Variants in ATM observed in about 807,000 individuals in gnomAD.
The protein encoded by ATM is serine-protein kinase ATM.
ATM carries 308 observed loss-of-function variants against 387.0 expected under a neutral mutation model. The observed-to-expected ratio is 0.80, with a 90% CI of 0.73 to 0.87. The LOEUF (loss-of-function observed/expected upper bound fraction) is 0.87. ATM is among the 40% of genes least tolerant of loss of function. The pLI is 0.00. For missense variants in ATM, 3,312 were observed against 3,560.9 expected (o/e 0.93, Z 1.78); for synonymous variants, 1,156 against 1,187.3 (o/e 0.97, Z 0.54).
At chr11:108,261,370 C>T (rs981664472) in intron 16 of ATM, among the ~76,000 whole-genome samples, 9 of 152,308 alleles carry the variant, frequency 5.9e-5, no homozygotes, top group African/African-American at 2.2e-4. Flanking sequence ...CCAGCAGGGG[C>T]ACACTGACAC....
chr11:108,269,337 G>A (rs2081445131), intron 18 of ATM, among the ~76,000 whole-genome samples: 1 of 152,020 alleles, frequency 6.6e-6, no homozygotes, highest in Admixed American at 6.6e-5. Context: ...GAGTTTGTCT[G>A]ATGTTTCCTT....
At chr11:108,252,087 C>T in intron 11 of ATM, 56 bp downstream of exon 11, 2 of 1,499,292 alleles carry the variant, frequency 1.3e-6, no homozygotes, top group Non-Finnish European at 1.8e-6. Flanking sequence ...ATCAGGCTCT[C>T]TCCACTTATT....
At chr11:108,229,927 C>G (rs1050747196) in intron 4 of ATM, 4 of 152,686 alleles carry the variant, frequency 2.6e-5, no homozygotes, top group Non-Finnish European at 5.8e-5. Flanking sequence ...AAGCAGTCCT[C>G]CCCCTGCTCA....
At chr11:108,309,174 G>A in intron 38 of ATM, 2 of 599,110 alleles carry the variant, frequency 3.3e-6, no homozygotes, top group East Asian at 2.9e-5. Flanking sequence ...ACAGTATGTT[G>A]GGCAAAAACA....
chr11:108,342,927 G>A (rs925015854), intron 56 of ATM, among the ~76,000 whole-genome samples: 1 of 152,178 alleles, frequency 6.6e-6, no homozygotes, highest in African/African-American at 2.4e-5. Flanking sequence ...AACTAAGTAT[G>A]GATTAATGAC....
At chr11:108,332,082 G>C (rs761300655) in intron 52 of ATM, 45 bp downstream of exon 52, 1 of 1,601,310 alleles carries the variant, frequency 6.2e-7, no homozygotes, top group South Asian at 1.1e-5. Context: ...GTGATATTCA[G>C]TCTTTCCTAG....
At chr11:108,277,671 A>G (rs1409382126) in intron 22 of ATM, among the ~76,000 whole-genome samples, 6 of 152,056 alleles carry the variant, frequency 3.9e-5, no homozygotes, top group Non-Finnish European at 2.9e-5. Context: ...GGGTGAGGCT[A>G]CACCCCACCC....
chr11:108,237,788 G>A (rs2135149976), intron 5 of ATM, among the ~76,000 whole-genome samples: 1 of 151,612 alleles, frequency 6.6e-6, no homozygotes, highest in African/African-American at 2.4e-5. Flanking sequence ...ATCTTGCTGG[G>A]ATTTTGATAC....
intron 27 of ATM, among the ~76,000 whole-genome samples, chr11:108,288,361 C>T (rs1442322763): frequency 6.6e-6 from 1 of 152,088 alleles, no homozygotes; most frequent in Admixed American, 6.6e-5. Context: ...AGGCATGAGC[C>T]GCCGTACCCA....
At chr11:108,318,892 T>C (rs1255601751) in intron 43 of ATM, among the ~76,000 whole-genome samples, 2 of 152,038 alleles carry the variant, frequency 1.3e-5, no homozygotes, top group African/African-American at 2.4e-5. Flanking sequence ...AAAAAAATTA[T>C]TGGCCGAGCG....
intron 16 of ATM, 133 bp downstream of exon 16, chr11:108,259,208 G>C (rs2080710796): frequency 1.2e-6 from 1 of 821,166 alleles, no homozygotes; most frequent in Non-Finnish European, 2.0e-6. Flanking sequence ...TGGAAATTAA[G>C]GCCAGGTGCG....
At chr11:108,231,367 T>G (rs1329299606) in intron 4 of ATM, 1 of 152,166 alleles carries the variant, frequency 6.6e-6, no homozygotes, top group Admixed American at 6.5e-5. Context: ...TCTTCACAGA[T>G]AAGGATGTTG....
chr11:108,229,441 A>G (rs2078905071), intron 4 of ATM, 118 bp downstream of exon 4: 3 of 1,061,918 alleles, frequency 2.8e-6, no homozygotes, highest in South Asian at 1.5e-5. Context: ...TCTAAATAGA[A>G]TAAGATAAAA....
At chr11:108,271,556 C>T (rs1384646073) in intron 20 of ATM, 150 bp downstream of exon 20, 3 of 1,048,580 alleles carry the variant, frequency 2.9e-6, no homozygotes, top group Non-Finnish European at 4.3e-6. Flanking sequence ...GTGTTTCCCT[C>T]AGTCGCTTGA....
chr11:108,334,698 C>T (rs1428352115), intron 54 of ATM, among the ~76,000 whole-genome samples: 1 of 152,160 alleles, frequency 6.6e-6, no homozygotes. Flanking sequence ...ACCCAGAAAA[C>T]TCCTTCTACT....
chr11:108,299,661 T>G, intron 33 of ATM, 53 bp from the exon 34 acceptor site: 1 of 1,567,854 alleles, frequency 6.4e-7, no homozygotes, highest in Non-Finnish European at 8.8e-7. Flanking sequence ...AATTTCAGTT[T>G]TATGTATGAT....
At chr11:108,267,044 GCTCT>G in intron 16 of ATM, 123 bp from the exon 17 acceptor site, 2 of 901,094 alleles carry the variant, frequency 2.2e-6, no homozygotes, top group Non-Finnish European at 1.8e-6. Context: ...GATCCACCTG[GCTCT>G]GCCTCCCAAA....
At chr11:108,236,887 A>C (rs1272069615) in intron 5 of ATM, among the ~76,000 whole-genome samples, 1 of 152,174 alleles carries the variant, frequency 6.6e-6, no homozygotes, top group African/African-American at 2.4e-5. Flanking sequence ...GGGTTTGAGA[A>C]TAAGTGAAAG....
At position 108,353,770 on chromosome 11, in the gene ATM, T is replaced by A. The variant is rs1401097446; in HGVS notation, c.8676T>A (p.Val2892=). Residue 2892 remains valine (V), a synonymous_variant, in exon 60 of 63, where the codon GTT becomes GTA. Coordinates refer to ENST00000675843, the MANE Select transcript of ATM (RefSeq NM_000051.4). ...TCACTGTATTCTTTACTTTAGGTGT[T>A]GCTTTTGAACAGGGCAAAATCCTTC... ...SAELVHIDLG[V]AFEQGKILPT... is the part of the protein sequence containing the mutation. The A allele has an allele frequency of 1.2e-6, 2 of 1,609,718 alleles. No individual in the cohort carries two copies. Among genetic ancestry groups the A allele is most frequent in the Non-Finnish European group, 1.7e-6 (2 of 1,176,118 alleles).
Sources: allele counts gnomAD v4.1 joint callset (sites outside exome capture counted in the v4.1 genomes callset), GRCh38; gene constraint gnomAD v4.1.1; transcripts MANE v1.5; gene names NCBI Gene and HGNC (gene_info 2026-07-23, HGNC 2026-07-21).